The following PTPRD variants were observed in gnomAD, a reference collection of about 807,000 sequenced individuals.
PTPRD encodes the protein protein tyrosine phosphatase receptor type D, also known as receptor-type tyrosine-protein phosphatase delta.
In PTPRD, 34 loss-of-function variants were observed where a neutral mutation model predicts 214.5. That is an observed-to-expected ratio of 0.16 (90% confidence interval 0.12 to 0.21). PTPRD has a LOEUF of 0.21. PTPRD is among the 10% of genes least tolerant of loss of function. The pLI, the probability that PTPRD is intolerant of heterozygous loss-of-function variation, is 1.00. For synonymous variants in PTPRD, 1,128 were observed against 845.7 expected (o/e 1.33, Z -5.79); for missense variants, 2,545 against 2,398.7 (o/e 1.06, Z -1.27).
At chr9:8,374,624 C>T (rs2082674291) in intron 39 of PTPRD, among the ~76,000 whole-genome samples, 1 of 152,094 alleles carries the variant, frequency 6.6e-6, no homozygotes, top group Non-Finnish European at 1.5e-5. Context: ...TAGCCTCTCA[C>T]TTCTCTTGAC....
chr9:9,224,018 C>T (rs141089804), intron 9 of PTPRD, among the ~76,000 whole-genome samples: 1 of 152,106 alleles, frequency 6.6e-6, no homozygotes, highest in Admixed American at 6.6e-5. Flanking sequence ...AATCTGCTTA[C>T]TTTCATCTGA....
intron 11 of PTPRD, among the ~76,000 whole-genome samples, chr9:8,825,717 C>T (rs1646828801): frequency 6.6e-6 from 1 of 152,166 alleles, no homozygotes; most frequent in Non-Finnish European, 1.5e-5. Context: ...ATGAGGGCTG[C>T]TGGTTGCCCA....
chr9:8,608,829 T>C (rs563512300), intron 14 of PTPRD, among the ~76,000 whole-genome samples: 18 of 152,298 alleles, frequency 1.2e-4, no homozygotes, highest in African/African-American at 3.6e-4. Context: ...GGGATCTTCA[T>C]GAATCGGGCC....
At chr9:9,179,959 A>T (rs1304009755) in intron 10 of PTPRD, among the ~76,000 whole-genome samples, 6 of 152,130 alleles carry the variant, frequency 3.9e-5, no homozygotes, top group Non-Finnish European at 7.4e-5. Flanking sequence ...TATCAAAAAT[A>T]AATGTTAAAA....
intron 9 of PTPRD, among the ~76,000 whole-genome samples, chr9:9,331,281 C>T (rs2042214193): frequency 6.6e-6 from 1 of 151,978 alleles, no homozygotes; most frequent in African/African-American, 2.4e-5. Flanking sequence ...CCTGATGTAC[C>T]TTGTCTTTTT....
At chr9:10,009,464 T>C (rs1377659282) in intron 4 of PTPRD, among the ~76,000 whole-genome samples, 1 of 151,928 alleles carries the variant, frequency 6.6e-6, no homozygotes, top group African/African-American at 2.4e-5. Flanking sequence ...ATTTTTTCAT[T>C]AGCAATTGGT....
chr9:8,475,186 T>C (rs2096738367), intron 30 of PTPRD, among the ~76,000 whole-genome samples: 1 of 152,174 alleles, frequency 6.6e-6, no homozygotes, highest in Non-Finnish European at 1.5e-5. Context: ...TCCACCTCAC[T>C]GCCATTGCCA....
intron 3 of PTPRD, among the ~76,000 whole-genome samples, chr9:10,182,259 C>CAAAAAAAAAAA (rs3075574): frequency 2.4e-4 from 13 of 54,416 alleles, no homozygotes; most frequent in African/African-American, 4.0e-4. Context: ...GACTCTGCCT[C>CAAAAAAAAAAA]AAAAAAAAAA....
chr9:9,888,926 T>C (rs933199179), intron 5 of PTPRD, among the ~76,000 whole-genome samples: 1 of 152,152 alleles, frequency 6.6e-6, no homozygotes, highest in Non-Finnish European at 1.5e-5. Context: ...AAACCCTAAC[T>C]GTTTAGAAAA....
At chr9:9,833,260 T>A (rs181173992) in intron 5 of PTPRD, among the ~76,000 whole-genome samples, 14 of 152,004 alleles carry the variant, frequency 9.2e-5, no homozygotes, top group Admixed American at 5.9e-4. Flanking sequence ...ACAAAAGAGA[T>A]AAATTTTAAA....
At chr9:8,372,586 C>T (rs748389717) in intron 39 of PTPRD, among the ~76,000 whole-genome samples, 3 of 151,964 alleles carry the variant, frequency 2.0e-5, no homozygotes, top group Non-Finnish European at 4.4e-5. Context: ...TGTTGAGATT[C>T]TATGCTCTGT....
At chr9:8,722,492 T>C (rs538283952) in intron 12 of PTPRD, among the ~76,000 whole-genome samples, 1 of 98,644 alleles carries the variant, frequency 1.0e-5, no homozygotes, top group Non-Finnish European at 2.0e-5. Context: ...ATATAAACAA[T>C]AAAGGGTTTT....
intron 4 of PTPRD, among the ~76,000 whole-genome samples, chr9:9,995,968 T>C (rs1039029914): frequency 2.6e-5 from 4 of 152,168 alleles, no homozygotes; most frequent in African/African-American, 4.8e-5. Flanking sequence ...ATCTTAATTG[T>C]ATAAATTTCT....
At chr9:9,778,172 G>A (rs1026412139) in intron 5 of PTPRD, among the ~76,000 whole-genome samples, 1 of 152,204 alleles carries the variant, frequency 6.6e-6, no homozygotes, top group East Asian at 1.9e-4. Flanking sequence ...GACATTGAAG[G>A]CAAGGCTGAA....
At chr9:8,791,039 G>A (rs532284095) in intron 11 of PTPRD, among the ~76,000 whole-genome samples, 6 of 152,130 alleles carry the variant, frequency 3.9e-5, no homozygotes, top group African/African-American at 9.7e-5. Flanking sequence ...TTTGAAGCTG[G>A]TGAATATCAA....
intron 33 of PTPRD, among the ~76,000 whole-genome samples, chr9:8,458,100 T>G (rs566802097): frequency 8.5e-5 from 13 of 152,254 alleles, no homozygotes; most frequent in African/African-American, 3.1e-4. Context: ...TACTTAGCAT[T>G]CGAGGATGTG....
chr9:9,391,624 A>C (rs539043184), intron 9 of PTPRD, among the ~76,000 whole-genome samples: 31 of 152,136 alleles, frequency 2.0e-4, no homozygotes, highest in Non-Finnish European at 4.6e-4. Context: ...ATATGCACCA[A>C]ATTATTTTGT....
intron 10 of PTPRD, among the ~76,000 whole-genome samples, chr9:9,143,732 C>T (rs932407526): frequency 1.3e-5 from 2 of 152,190 alleles, no homozygotes; most frequent in African/African-American, 4.8e-5. Context: ...TTTGAATAAA[C>T]AGTTGACTCA....
rs369292440 is a variant in PTPRD, at chr9:9,799,565, A to G, written c.-367-32714T>C. The G allele has an allele frequency of 1.5e-4, 23 of 152,298 alleles. No homozygotes were observed. In the East Asian group the frequency reaches 3.3e-3, roughly 22 times the overall value. The allele number at this position is 152,298 out of a possible 1,614,324, so 9.4% of individuals were successfully genotyped here. On this transcript the variant is annotated intron_variant, in intron 5 of 45. Transcript: ENST00000381196. ...GCAGATAAGGAAGAGTCATAACCTAAGTGTTGTCAGTTCAATATTCCATAA... is the reference window on the plus strand; with the variant it reads ...GCAGATAAGGAAGAGTCATAACCTAGGTGTTGTCAGTTCAATATTCCATAA...
Sources: allele counts gnomAD v4.1 joint callset (sites outside exome capture counted in the v4.1 genomes callset), GRCh38; gene constraint gnomAD v4.1.1; transcripts MANE v1.5; gene names NCBI Gene and HGNC (gene_info 2026-07-23, HGNC 2026-07-21).